Variants in RORA observed in about 807,000 individuals in gnomAD.
RORA encodes nuclear receptor ROR-alpha.
RORA carries 7 observed loss-of-function variants against 69.5 expected under a neutral mutation model. The ratio of observed to expected loss-of-function variants is 0.10; its 90% CI spans 0.06 to 0.19. The LOEUF is 0.19. Among genes scored for constraint, RORA ranks in the 10% least tolerant of loss-of-function variants. RORA has a pLI of 1.00. For synonymous variants in RORA, 261 were observed against 240.8 expected (o/e 1.08, Z -0.78); for missense variants, 457 against 663.0 (o/e 0.69, Z 3.41).
At chr15:60,498,886 TAAAC>T (rs1191891267) in intron 10 of RORA, among the ~76,000 whole-genome samples, 2 of 142,292 alleles carry the variant, frequency 1.4e-5, no homozygotes, top group East Asian at 2.1e-4. Context: ...AGCAAACAAA[TAAAC>T]AAGAAAACAA....
intron 1 of RORA, among the ~76,000 whole-genome samples, chr15:60,847,379 C>A (rs2073277650): frequency 6.6e-6 from 1 of 151,918 alleles, no homozygotes; most frequent in Admixed American, 6.6e-5. Flanking sequence ...GAGGACACAT[C>A]CTTTCTAGAA....
intron 1 of RORA, among the ~76,000 whole-genome samples, chr15:61,067,830 C>A (rs1178415966): frequency 6.6e-6 from 1 of 152,210 alleles, no homozygotes; most frequent in Non-Finnish European, 1.5e-5. Flanking sequence ...ATAAAAGATA[C>A]TAAATGCGTT....
chr15:60,577,510 G>A lies in RORA; in HGVS notation c.197-45659C>T, dbSNP rs548139908. 7.2e-5 allele frequency among the ~76,000 whole-genome samples: 11 copies of A among 152,220 alleles called. No individual in the cohort carries two copies. In the East Asian group the frequency reaches 1.7e-3, roughly 24 times the overall value. ...AATACAAAAATTAGCCGGGTGTGGTGGTGCGTGTCTGTAATGTCAGCTACT... is the reference window on the plus strand; with the variant it reads ...AATACAAAAATTAGCCGGGTGTGGTAGTGCGTGTCTGTAATGTCAGCTACT... On this transcript the variant is annotated intron_variant, in intron 2 of 10. Coordinates refer to ENST00000335670, the MANE Select transcript of RORA (RefSeq NM_134261.3).
chr15:60,737,441 C>T (rs1204813473), intron 1 of RORA, among the ~76,000 whole-genome samples: 1 of 152,158 alleles, frequency 6.6e-6, no homozygotes, highest in Non-Finnish European at 1.5e-5. Flanking sequence ...CAGGGTGTGG[C>T]CTCTGGACCA....
intron 1 of RORA, among the ~76,000 whole-genome samples, chr15:60,732,085 G>C (rs2071436990): frequency 6.6e-6 from 1 of 152,198 alleles, no homozygotes; most frequent in African/African-American, 2.4e-5. Context: ...ATCTCTAGCA[G>C]ATGCTGGGTA....
In RORA at chr15:61,094,084, C is replaced by G. The variant is rs78626696; in HGVS notation, c.166+134969G>C. 2.6e-5 allele frequency among the ~76,000 whole-genome samples: 4 copies of G among 152,316 alleles called. No homozygotes were observed. The East Asian group carries it at 5.8e-4, about 22-fold the overall frequency. On this transcript the variant is annotated intron_variant, in intron 1 of 10. Transcript: ENST00000335670. ...AGGAGAGAGCCTCATGCTGGTGAAC[C>G]TGGCAGGTCAAGATGTTGATATTCA...
At chr15:60,827,999 G>C (rs1003716535) in intron 1 of RORA, among the ~76,000 whole-genome samples, 2 of 152,196 alleles carry the variant, frequency 1.3e-5, no homozygotes, top group African/African-American at 4.8e-5. Context: ...ACAGATTCGT[G>C]TACATATCAG....
chr15:60,637,806 T>C (rs7173741), intron 2 of RORA, among the ~76,000 whole-genome samples: 6,802 of 152,202 alleles, frequency 0.045, 522 homozygotes, highest in African/African-American at 0.15. Context: ...TCCCTAGTCC[T>C]TTTCTTTCTT....
intron 1 of RORA, among the ~76,000 whole-genome samples, chr15:61,220,516 G>A (rs144305929): frequency 4.8e-4 from 73 of 152,286 alleles, no homozygotes; most frequent in Admixed American, 8.5e-4. Flanking sequence ...GACTGGCATC[G>A]ATCATATGGG....
At chr15:60,679,614 C>A (rs2070611338) in intron 1 of RORA, among the ~76,000 whole-genome samples, 5 of 151,154 alleles carry the variant, frequency 3.3e-5, no homozygotes. Flanking sequence ...ATTTTTTTTT[C>A]TTTCAAGTTA....
intron 3 of RORA, among the ~76,000 whole-genome samples, chr15:60,522,739 A>G (rs2066210915): frequency 6.7e-6 from 1 of 149,738 alleles, no homozygotes; most frequent in South Asian, 2.2e-4. Flanking sequence ...ACTGCATTCC[A>G]GCCTGGACAA....
chr15:60,883,148 A>AAAG (rs2073707957), intron 1 of RORA, among the ~76,000 whole-genome samples: 1 of 38,986 alleles, frequency 2.6e-5, no homozygotes, highest in African/African-American at 7.4e-5. Flanking sequence ...AAAAAAAAAA[A>AAAG]AAAGAAAGAG....
intron 2 of RORA, among the ~76,000 whole-genome samples, chr15:60,676,534 T>C (rs1175454595): frequency 2.0e-5 from 3 of 152,238 alleles, no homozygotes; most frequent in African/African-American, 4.8e-5. Context: ...CTGTCCATTA[T>C]ATAAAAGGAG....
At chr15:60,693,193 C>CA (rs1419940811) in intron 1 of RORA, among the ~76,000 whole-genome samples, 2 of 152,140 alleles carry the variant, frequency 1.3e-5, no homozygotes, top group African/African-American at 4.8e-5. Flanking sequence ...GAACTAAAGA[C>CA]AAAACCACAT....
At chr15:61,127,095 A>C (rs2079149596) in intron 1 of RORA, among the ~76,000 whole-genome samples, 1 of 152,196 alleles carries the variant, frequency 6.6e-6, no homozygotes, top group Admixed American at 6.5e-5. Flanking sequence ...ACACCTACCC[A>C]GGAAAGATCC....
At chr15:60,717,380 C>G (rs535038133) in intron 1 of RORA, among the ~76,000 whole-genome samples, 3 of 152,318 alleles carry the variant, frequency 2.0e-5, no homozygotes, top group South Asian at 4.1e-4. Flanking sequence ...ATTCAACAAA[C>G]AGCAGCACCC....
chr15:60,915,552 A>G (rs1891848513), intron 1 of RORA, among the ~76,000 whole-genome samples: 1 of 152,234 alleles, frequency 6.6e-6, no homozygotes, highest in Non-Finnish European at 1.5e-5. Flanking sequence ...TCTGCACAGT[A>G]CAGTACGTTC....
chr15:60,784,881 T>C (rs1248849729), intron 1 of RORA, among the ~76,000 whole-genome samples: 2 of 152,212 alleles, frequency 1.3e-5, no homozygotes, highest in Non-Finnish European at 2.9e-5. Flanking sequence ...TATACATACA[T>C]GTTAATTTCA....
At chr15:60,938,585 C>T (rs915305735) in intron 1 of RORA, among the ~76,000 whole-genome samples, 1 of 152,160 alleles carries the variant, frequency 6.6e-6, no homozygotes, top group African/African-American at 2.4e-5. Flanking sequence ...TCACTCTACA[C>T]CCTGGATACA....
Sources: gnomAD v4.1 joint callset for allele counts (sites outside exome capture counted in the v4.1 genomes callset) on GRCh38, gnomAD v4.1.1 for gene constraint, MANE v1.5 for transcripts, NCBI Gene and HGNC (gene_info 2026-07-23, HGNC 2026-07-21) for gene names.